Variants in PPHLN1 observed in about 807,000 individuals in gnomAD.
PPHLN1 encodes the protein periphilin 1, also known as periphilin-1.
PPHLN1 carries 29 observed loss-of-function variants against 51.3 expected under a neutral mutation model. That is an observed-to-expected ratio of 0.57 (90% CI 0.42 to 0.77). The LOEUF is 0.77. Among genes scored for constraint, PPHLN1 ranks in the 30% least tolerant of loss-of-function variants. The pLI is 0.00. For synonymous variants in PPHLN1, 147 were observed against 147.8 expected (o/e 0.99, Z 0.04); for missense variants, 436 against 438.4 (o/e 0.99, Z 0.05).
chr12:42,389,063 C>G (rs1014184007), intron 7 of PPHLN1, among the ~76,000 whole-genome samples: 3 of 152,056 alleles, frequency 2.0e-5, no homozygotes, highest in African/African-American at 4.8e-5. Context: ...ACAGTGAAGC[C>G]GTGTCTCTAC....
intron 9 of PPHLN1, among the ~76,000 whole-genome samples, chr12:42,409,869 CT>C (rs1455184880): frequency 6.6e-6 from 1 of 151,966 alleles, no homozygotes; most frequent in Non-Finnish European, 1.5e-5. Context: ...AATTATAATT[CT>C]TGCCCCAGAG....
intron 2 of PPHLN1, among the ~76,000 whole-genome samples, chr12:42,343,596 T>G (rs573030529): frequency 5.3e-5 from 8 of 151,306 alleles, no homozygotes; most frequent in Non-Finnish European, 1.0e-4. Flanking sequence ...TTTTAATAGT[T>G]TTTTTTAATG....
At chr12:42,348,676 T>C (rs575300242) in intron 2 of PPHLN1, among the ~76,000 whole-genome samples, 74 of 152,312 alleles carry the variant, frequency 4.9e-4, no homozygotes, top group African/African-American at 1.7e-3. Flanking sequence ...AATAATCGTA[T>C]ACAAACAAAC....
At chr12:42,420,390 G>A (rs911502402) in intron 9 of PPHLN1, among the ~76,000 whole-genome samples, 2 of 151,390 alleles carry the variant, frequency 1.3e-5, no homozygotes, top group Admixed American at 1.3e-4. Context: ...CTTTGTGTGT[G>A]TGTGTTTGTC....
intron 2 of PPHLN1, among the ~76,000 whole-genome samples, chr12:42,344,708 A>ATTTTTT (rs35335129): frequency 0.015 from 2,028 of 133,982 alleles, 75 homozygotes; most frequent in African/African-American, 0.053. Context: ...AACAGTGTGG[A>ATTTTTT]TTTTTTTTTT....
intron 9 of PPHLN1, among the ~76,000 whole-genome samples, chr12:42,402,712 A>G (rs1592752892): frequency 6.6e-6 from 1 of 152,308 alleles, no homozygotes; most frequent in East Asian, 1.9e-4. Context: ...TCTTAAATTA[A>G]AATAAGTTTT....
At chr12:42,418,396 C>T (rs943301304) in intron 9 of PPHLN1, among the ~76,000 whole-genome samples, 3 of 151,840 alleles carry the variant, frequency 2.0e-5, no homozygotes, top group African/African-American at 7.3e-5. Flanking sequence ...GACGTGTAAA[C>T]GTGTTAAATG....
intron 9 of PPHLN1, among the ~76,000 whole-genome samples, chr12:42,407,252 C>T (rs1319473095): frequency 6.6e-6 from 1 of 152,138 alleles, no homozygotes; most frequent in Non-Finnish European, 1.5e-5. Context: ...GATCCTGGCT[C>T]AGGATATCTC....
At chr12:42,375,106 C>A in intron 5 of PPHLN1, 32 bp downstream of exon 5, 2 of 1,480,958 alleles carry the variant, frequency 1.4e-6, no homozygotes, top group South Asian at 1.2e-5. Flanking sequence ...TTTTTTCTCT[C>A]ACAGTCTCCT....
chr12:42,353,045 C>T (rs540846537), intron 3 of PPHLN1, among the ~76,000 whole-genome samples: 29 of 151,622 alleles, frequency 1.9e-4, no homozygotes, highest in African/African-American at 6.3e-4. Context: ...GCCGAGATCG[C>T]GCCACTGCAC....
At chr12:42,430,040 C>T (rs565755072) in intron 9 of PPHLN1, among the ~76,000 whole-genome samples, 6 of 152,040 alleles carry the variant, frequency 3.9e-5, no homozygotes, top group Non-Finnish European at 5.9e-5. Context: ...AACCAATGGC[C>T]GGGGGAGCTC....
intron 2 of PPHLN1, among the ~76,000 whole-genome samples, chr12:42,345,786 C>A (rs61926562): frequency 0.16 from 24,664 of 151,732 alleles, 2,035 homozygotes; most frequent in Admixed American, 0.2. Context: ...TTTTTGATTA[C>A]TTGAAAATGA....
At chr12:42,424,918 G>T (rs1304760641) in intron 9 of PPHLN1, among the ~76,000 whole-genome samples, 1 of 152,008 alleles carries the variant, frequency 6.6e-6, no homozygotes, top group East Asian at 1.9e-4. Context: ...ATAATAACAC[G>T]TGTAGTAACA....
At chr12:42,326,411 A>G (rs2068776590) in intron 1 of PPHLN1, among the ~76,000 whole-genome samples, 182 bp downstream of exon 1, 1 of 152,078 alleles carries the variant, frequency 6.6e-6, no homozygotes, top group South Asian at 2.1e-4. Context: ...AAAGGGAAGT[A>G]TTGAGTCTAA....
intron 5 of PPHLN1, among the ~76,000 whole-genome samples, chr12:42,383,908 C>CG (rs1375572119): frequency 7.3e-6 from 1 of 136,874 alleles, no homozygotes; most frequent in African/African-American, 2.7e-5. Context: ...TGCTTGAACC[C>CG]GGGGGGCGGA....
chr12:42,335,684 C>CAT (rs2070500959), intron 1 of PPHLN1, among the ~76,000 whole-genome samples, 199 bp from the exon 2 acceptor site: 1 of 123,626 alleles, frequency 8.1e-6, no homozygotes, highest in African/African-American at 2.7e-5. Context: ...TAGGGCTTTC[C>CAT]GTGTTTTTTT....
chr12:42,442,562 C>A, downstream of PPHLN1: 1 of 1,589,106 alleles, frequency 6.3e-7, no homozygotes, highest in Non-Finnish European at 8.6e-7. Context: ...TTGGGCTGCG[C>A]TAAAGCCGGC....
chr12:42,375,315 GTTTT>G, intron 5 of PPHLN1: 1 of 148,706 alleles, frequency 6.7e-6, no homozygotes. Context: ...CATGTAAAAG[GTTTT>G]TTTTTTTTTT....
chr12:42,382,888 A>C (rs757550844), intron 5 of PPHLN1, among the ~76,000 whole-genome samples: 7 of 152,236 alleles, frequency 4.6e-5, no homozygotes, highest in Non-Finnish European at 8.8e-5. Flanking sequence ...CGAGCACATC[A>C]GCGGAAACTT....
Sources: allele counts gnomAD v4.1 joint callset (sites outside exome capture counted in the v4.1 genomes callset), GRCh38; gene constraint gnomAD v4.1.1; transcripts MANE v1.5; gene names NCBI Gene and HGNC (gene_info 2026-07-23, HGNC 2026-07-21).